CLVS1: variants seen among roughly 807,000 people sequenced by gnomAD.
The protein encoded by CLVS1 is clavesin-1.
Under a neutral mutation model 33.1 loss-of-function variants are expected in CLVS1, and 10 were observed. The ratio of observed to expected loss-of-function variants is 0.30; its 90% CI spans 0.19 to 0.51. The LOEUF is 0.51. CLVS1 is among the 20% of genes least tolerant of loss of function. CLVS1 has a pLI of 0.97. For synonymous variants in CLVS1, 163 were observed against 166.1 expected (o/e 0.98, Z 0.14); for missense variants, 343 against 433.4 (o/e 0.79, Z 1.85).
chr8:61,338,646 C>T (rs1199524728), intron 2 of CLVS1, among the ~76,000 whole-genome samples: 4 of 152,236 alleles, frequency 2.6e-5, no homozygotes, highest in Non-Finnish European at 5.9e-5. Context: ...CATGCTCCTC[C>T]ATATGCAGCA....
intron 2 of CLVS1, among the ~76,000 whole-genome samples, chr8:61,154,110 G>T (rs1806602220): frequency 6.6e-6 from 1 of 152,138 alleles, no homozygotes. Flanking sequence ...GCTCAGCACT[G>T]TTCCTGCTTT....
In CLVS1 at chr8:61,254,509, C is replaced by T. The variant is rs376884402; in HGVS notation, c.-151-45168C>T. On this transcript the variant is annotated intron_variant, in intron 2 of 2. Transcript: ENST00000522621. ...CTGCCTTTTGTTTGGCTATGCCCTG[C>T]CCCCAGAAGTGGAGTCTACAGAGGC... Among the ~76,000 whole-genome samples the T allele has an allele frequency of 1.9e-3, 289 of 152,288 alleles. 2 individuals carry two copies. The highest frequency in any genetic ancestry group is 6.5e-3 in the African/African-American group (269 of 41,564).
intron 5 of CLVS1, among the ~76,000 whole-genome samples, chr8:61,467,403 G>A (rs1817585106): frequency 6.6e-6 from 1 of 152,184 alleles, no homozygotes. Context: ...GAAACAAAGA[G>A]CATCTTTCCC....
intron 2 of CLVS1, among the ~76,000 whole-genome samples, chr8:61,322,691 T>C (rs1811239753): frequency 6.6e-6 from 1 of 152,170 alleles, no homozygotes; most frequent in Non-Finnish European, 1.5e-5. Context: ...GGACTATTCA[T>C]AAGTTAGAAT....
intron 2 of CLVS1, among the ~76,000 whole-genome samples, chr8:61,361,362 T>TAA (rs1468364285): frequency 6.6e-6 from 1 of 152,220 alleles, no homozygotes; most frequent in African/African-American, 2.4e-5. Flanking sequence ...CATGGAATAA[T>TAA]AACTGAAAGA....
intron 1 of CLVS1, among the ~76,000 whole-genome samples, chr8:61,073,738 C>A (rs888427432): frequency 6.6e-6 from 1 of 152,016 alleles, no homozygotes; most frequent in South Asian, 2.1e-4. Context: ...AAAGGCCGGG[C>A]GCAGTGGCTC....
intron 2 of CLVS1, among the ~76,000 whole-genome samples, chr8:61,243,152 T>C (rs1009751852): frequency 6.6e-6 from 1 of 152,248 alleles, no homozygotes; most frequent in Non-Finnish European, 1.5e-5. Flanking sequence ...GATAGACTTA[T>C]ATGGCAAATT....
At chr8:61,049,796 G>A in the CLVS1 span, among the ~76,000 whole-genome samples, 1 of 152,230 alleles carries the variant, frequency 6.6e-6, no homozygotes, top group Non-Finnish European at 1.5e-5. Context: ...CGCCATTACT[G>A]GCTTTGGGGC....
chr8:61,189,835 T>A (rs998146042), intron 2 of CLVS1, among the ~76,000 whole-genome samples: 14 of 152,180 alleles, frequency 9.2e-5, no homozygotes, highest in Admixed American at 2.0e-4. Context: ...ATCCTAAATA[T>A]CTATGCACCC....
chr8:61,145,133 A>G (rs1323860688), intron 2 of CLVS1, among the ~76,000 whole-genome samples: 7 of 152,230 alleles, frequency 4.6e-5, no homozygotes, highest in Admixed American at 4.6e-4. Context: ...AAGCTTCTGC[A>G]CAGCAAAAGA....
chr8:61,251,165 G>C (rs980837905), intron 2 of CLVS1, among the ~76,000 whole-genome samples: 19 of 152,158 alleles, frequency 1.2e-4, no homozygotes, highest in African/African-American at 4.6e-4. Context: ...TGCATCTATT[G>C]AGATAATCAT....
intron 3 of CLVS1, among the ~76,000 whole-genome samples, chr8:61,404,854 G>T (rs989260406): frequency 6.6e-6 from 1 of 152,092 alleles, no homozygotes; most frequent in African/African-American, 2.4e-5. Context: ...TTCCCACAAG[G>T]GCCCCAAGAT....
intron 1 of CLVS1, among the ~76,000 whole-genome samples, chr8:61,124,591 C>G (rs952711950): frequency 6.6e-6 from 1 of 152,094 alleles, no homozygotes; most frequent in Admixed American, 6.6e-5. Context: ...TCCTTCAGAC[C>G]CTTTAATGAA....
chr8:61,488,123 C>T (rs1803946138), intron 5 of CLVS1, among the ~76,000 whole-genome samples: 1 of 152,172 alleles, frequency 6.6e-6, no homozygotes, highest in Non-Finnish European at 1.5e-5. Context: ...AGTAAAAAAG[C>T]TTCCAGAAAT....
At chr8:61,482,041 A>C (rs1344546638) in intron 5 of CLVS1, among the ~76,000 whole-genome samples, 1 of 152,242 alleles carries the variant, frequency 6.6e-6, no homozygotes, top group African/African-American at 2.4e-5. Context: ...CTGTTCTGCA[A>C]TATTTGCTAT....
chr8:61,142,105 T>G (rs534628527), intron 2 of CLVS1, among the ~76,000 whole-genome samples: 1 of 152,236 alleles, frequency 6.6e-6, no homozygotes, highest in Non-Finnish European at 1.5e-5. Flanking sequence ...TTTAGCTCTG[T>G]GTCTGCACCC....
chr8:61,308,552 T>C (rs1563488847), intron 2 of CLVS1, among the ~76,000 whole-genome samples: 1 of 152,116 alleles, frequency 6.6e-6, no homozygotes, highest in African/African-American at 2.4e-5. Flanking sequence ...CTCAATGTTA[T>C]CCGGTAGAAC....
At chr8:61,481,869 T>A (rs1014948606) in intron 5 of CLVS1, among the ~76,000 whole-genome samples, 1 of 151,812 alleles carries the variant, frequency 6.6e-6, no homozygotes, top group African/African-American at 2.4e-5. Context: ...CAGCATGGAG[T>A]TGGAGATCTG....
chr8:61,286,021 A>C (rs1487564752), upstream of CLVS1, among the ~76,000 whole-genome samples: 1 of 135,338 alleles, frequency 7.4e-6, no homozygotes, highest in African/African-American at 2.5e-5. Flanking sequence ...TCTAATGTGC[A>C]GGCCATTTTT....
Sources: allele counts gnomAD v4.1 joint callset (sites outside exome capture counted in the v4.1 genomes callset), GRCh38; gene constraint gnomAD v4.1.1; transcripts MANE v1.5; gene names NCBI Gene and HGNC (gene_info 2026-07-23, HGNC 2026-07-21).